The following ST8SIA6 variants were observed in gnomAD, a reference collection of about 807,000 sequenced individuals.
The protein encoded by ST8SIA6 is ST8 alpha-N-acetyl-neuraminide alpha-2,8-sialyltransferase 6.
In ST8SIA6, 39 loss-of-function variants were observed where a neutral mutation model predicts 33.6. That is an observed-to-expected ratio of 1.16 (90% confidence interval 0.90 to 1.52). The LOEUF (loss-of-function observed/expected upper bound fraction) is 1.52. Ranked by LOEUF, ST8SIA6 falls within the 40% of genes most tolerant of loss-of-function variation. The pLI, the probability that ST8SIA6 is intolerant of heterozygous loss-of-function variation, is 0.00. For missense variants in ST8SIA6, 441 were observed against 443.8 expected, an observed-to-expected ratio of 0.99 and a Z score of 0.06; for synonymous variants, 172 against 167.2, an observed-to-expected ratio of 1.03 and a Z score of -0.22.
chr10:17,357,466 G>A (rs778492730), intron 4 of ST8SIA6, among the ~76,000 whole-genome samples: 2 of 151,402 alleles, frequency 1.3e-5, no homozygotes, highest in Non-Finnish European at 2.9e-5. Flanking sequence ...GGTTTTTCCA[G>A]GGATTCAAAG....
chr10:17,334,220 G>C (rs1034965148), intron 4 of ST8SIA6, among the ~76,000 whole-genome samples: 5 of 151,416 alleles, frequency 3.3e-5, no homozygotes, highest in Admixed American at 3.3e-4. Flanking sequence ...AAAATGAGAG[G>C]ATTCATTGTA....
chr10:17,453,548 C>G lies in ST8SIA6; in HGVS notation c.200+11G>C, dbSNP rs970739870. The G allele has an allele frequency of 7.7e-6, 10 of 1,293,738 alleles. No homozygotes were observed. In the African/African-American group the frequency reaches 1.5e-4, roughly 20 times the overall value. 80.1% of individuals were successfully genotyped at this position (1,293,738 alleles called of 1,614,324 possible). A position where few individuals can be genotyped will look rare whatever the true frequency, so the allele number is the denominator to read the frequency against. ...CGAGCCCCAGTCCGCCCGCGCTGGG[C>G]GCCGCTGTACCTGTTAGTGGCGCGC... On this transcript the variant is annotated intron_variant, in intron 2 of 7. Coordinates refer to ENST00000377602, the MANE Select transcript of ST8SIA6 (RefSeq NM_001004470.3).
intron 2 of ST8SIA6, among the ~76,000 whole-genome samples, chr10:17,421,732 T>TA (rs200411218): frequency 0.014 from 2,149 of 150,248 alleles, 26 homozygotes; most frequent in Non-Finnish European, 0.023. Flanking sequence ...CCTTCTAATT[T>TA]AAAAAAAAAA....
intron 4 of ST8SIA6, among the ~76,000 whole-genome samples, chr10:17,348,759 T>C (rs1336998453): frequency 6.6e-6 from 1 of 152,232 alleles, no homozygotes; most frequent in East Asian, 1.9e-4. Context: ...CTCTGGGAAC[T>C]GCTTTTGGCT....
intron 2 of ST8SIA6, among the ~76,000 whole-genome samples, chr10:17,423,530 T>G (rs1851843200): frequency 6.6e-6 from 1 of 152,218 alleles, no homozygotes; most frequent in Non-Finnish European, 1.5e-5. Context: ...AATAAATTAA[T>G]AATCTTCTCA....
intron 2 of ST8SIA6, among the ~76,000 whole-genome samples, chr10:17,441,895 G>A (rs1454517267): frequency 6.7e-6 from 1 of 148,498 alleles, no homozygotes; most frequent in Non-Finnish European, 1.5e-5. Context: ...TTGAGATGGA[G>A]TCTTGCTCTG....
intron 3 of ST8SIA6, among the ~76,000 whole-genome samples, chr10:17,368,407 C>CAAAAAAAAAAAAAAAAAAAAAAAAAA (rs200826980): frequency 1.4e-5 from 1 of 72,196 alleles, no homozygotes; most frequent in African/African-American, 4.7e-5. Flanking sequence ...AGCTCTGTCT[C>CAAAAAAAAAAAAAAAAAAAAAAAAAA]AAAAAAAAAA....
At chr10:17,368,677 G>C (rs1459527513) in intron 3 of ST8SIA6, among the ~76,000 whole-genome samples, 16 of 152,050 alleles carry the variant, frequency 1.1e-4, no homozygotes, top group East Asian at 1.9e-4. Flanking sequence ...AAAGTATTAA[G>C]TAATTAATAA....
chr10:17,434,110 A>G (rs905310927), intron 2 of ST8SIA6, among the ~76,000 whole-genome samples: 2 of 152,100 alleles, frequency 1.3e-5, no homozygotes, highest in African/African-American at 4.8e-5. Context: ...ACATATCTCA[A>G]GGACAGCATT....
At chr10:17,399,594 T>A in intron 2 of ST8SIA6, among the ~76,000 whole-genome samples, 1 of 152,148 alleles carries the variant, frequency 6.6e-6, no homozygotes, top group Non-Finnish European at 1.5e-5. Flanking sequence ...TATTTTGCCC[T>A]CCTACCATAG....
chr10:17,448,806 T>G (rs12253744), intron 2 of ST8SIA6, among the ~76,000 whole-genome samples: 39,798 of 139,680 alleles, frequency 0.28, 7,529 homozygotes, highest in African/African-American at 0.56. Context: ...TTTTTTTTTG[T>G]TAGAGACAGG....
intron 2 of ST8SIA6, among the ~76,000 whole-genome samples, chr10:17,438,072 A>G (rs1852346923): frequency 6.6e-6 from 1 of 152,022 alleles, no homozygotes; most frequent in Admixed American, 6.6e-5. Context: ...CTGCCTGTTG[A>G]GTCTCTCTTG....
chr10:17,339,739 C>T (rs905113224), intron 4 of ST8SIA6, among the ~76,000 whole-genome samples: 1 of 152,142 alleles, frequency 6.6e-6, no homozygotes. Flanking sequence ...GATTATTTCA[C>T]TTAAACCCTA....
intron 4 of ST8SIA6, among the ~76,000 whole-genome samples, chr10:17,335,080 C>G (rs1334998589): frequency 1.3e-5 from 2 of 152,196 alleles, no homozygotes; most frequent in Non-Finnish European, 2.9e-5. Flanking sequence ...GGAAATCAAG[C>G]AAAGCTTTAG....
At chr10:17,356,171 T>A (rs1849182687) in intron 4 of ST8SIA6, among the ~76,000 whole-genome samples, 1 of 152,204 alleles carries the variant, frequency 6.6e-6, no homozygotes, top group African/African-American at 2.4e-5. Flanking sequence ...CATGCATCCA[T>A]TTCTTTAATA....
chr10:17,357,853 C>T (rs1245058701), intron 4 of ST8SIA6, among the ~76,000 whole-genome samples: 1 of 152,194 alleles, frequency 6.6e-6, no homozygotes, highest in Middle Eastern at 3.2e-3. Context: ...CTCAATAGCT[C>T]ACTACCTGAA....
chr10:17,381,158 A>AT lies in ST8SIA6; in HGVS notation c.290+9372dup, dbSNP rs1249403401. Among the ~76,000 whole-genome samples the AT allele has an allele frequency of 4.6e-5, 7 of 152,292 alleles. No homozygotes were observed. The East Asian group carries it at 9.6e-4, about 21-fold the overall frequency. On this transcript the variant is annotated intron_variant, in intron 3 of 7. Coordinates refer to ENST00000377602, the MANE Select transcript of ST8SIA6 (RefSeq NM_001004470.3). The stretch of plus-strand genomic sequence containing the variant: ...AAGAGTGTAGTTTAATTTGACTCAA[A>AT]TAAAAATGAAAGTGTCTCCCTCTAG...
At position 17,318,313 on chromosome 10, in the gene ST8SIA6, T is replaced by C; in HGVS notation, c.*2565A>G. ...TCACTGCAGCCTCTACCTCCTGGGC[T>C]CCAGTGAACCTCCCTCCTTAGCCTC... On this transcript the variant is annotated 3_prime_UTR_variant, in exon 8 of 8. Coordinates refer to ENST00000377602, the MANE Select transcript of ST8SIA6 (RefSeq NM_001004470.3). The C allele has an allele frequency of 4.6e-6, 1 of 216,376 alleles. No individual in the cohort carries two copies. 13.4% of individuals were successfully genotyped at this position (216,376 alleles called of 1,614,324 possible).
intron 3 of ST8SIA6, among the ~76,000 whole-genome samples, chr10:17,381,301 T>C (rs1564433686): frequency 6.6e-6 from 1 of 152,148 alleles, no homozygotes; most frequent in Non-Finnish European, 1.5e-5. Flanking sequence ...CTACCTAGGG[T>C]TGTAAAACAC....
Sources: gnomAD v4.1 joint callset for allele counts (sites outside exome capture counted in the v4.1 genomes callset) on GRCh38, gnomAD v4.1.1 for gene constraint, MANE v1.5 for transcripts, NCBI Gene and HGNC (gene_info 2026-07-23, HGNC 2026-07-21) for gene names.